IP6K2: variants seen among roughly 807,000 people sequenced by gnomAD.
The protein encoded by IP6K2 is ATP:1D-myo-inositol-hexakisphosphate phosphotransferase.
A neutral mutation model predicts 43.3 loss-of-function variants in IP6K2; 9 were observed. The observed-to-expected ratio is 0.21, with a 90% confidence interval of 0.13 to 0.36. The LOEUF (loss-of-function observed/expected upper bound fraction) is 0.36, where lower values mean the gene tolerates loss of function less well. Ranked by LOEUF, IP6K2 falls within the 10% of genes least tolerant of loss-of-function variation. The probability of loss-of-function intolerance (pLI) is 1.00; values close to 1 mark genes in which losing one functional copy is unlikely to be tolerated. For missense variants in IP6K2, 332 were observed against 538.4 expected, an observed-to-expected ratio of 0.62 and a Z score of 3.79; for synonymous variants, 209 against 202.4, an observed-to-expected ratio of 1.03 and a Z score of -0.28.
intron 1 of IP6K2, among the ~76,000 whole-genome samples, chr3:48,696,836 T>C (rs1029969853): frequency 1.1e-4 from 16 of 152,156 alleles, no homozygotes; most frequent in African/African-American, 3.1e-4. Flanking sequence ...GAATTTCTTA[T>C]GTCATTTGGT....
chr3:48,715,482 C>G, intron 1 of IP6K2: 1 of 1,534,782 alleles, frequency 6.5e-7, no homozygotes, highest in Non-Finnish European at 8.7e-7. Context: ...ACTGCTCAGA[C>G]AGATACAGGG....
At chr3:48,691,938 C>T (rs933660021) in intron 3 of IP6K2, among the ~76,000 whole-genome samples, 1 of 152,086 alleles carries the variant, frequency 6.6e-6, no homozygotes, top group African/African-American at 2.4e-5. Flanking sequence ...CTACGCCTCC[C>T]GGTTCTAGAG....
At chr3:48,694,110 GC>G in intron 2 of IP6K2, 1 of 1,497,042 alleles carries the variant, frequency 6.7e-7, no homozygotes, top group Non-Finnish European at 8.9e-7. Flanking sequence ...TTCTGAGGTG[GC>G]CCCCAGCTCT....
chr3:48,704,357 G>A (rs1281987402), intron 1 of IP6K2, among the ~76,000 whole-genome samples: 1 of 152,082 alleles, frequency 6.6e-6, no homozygotes, highest in Non-Finnish European at 1.5e-5. Flanking sequence ...CCAGCAATAG[G>A]AGATGAATGA....
chr3:48,690,025 A>C (rs2077629606), intron 4 of IP6K2, among the ~76,000 whole-genome samples: 1 of 152,232 alleles, frequency 6.6e-6, no homozygotes, highest in Non-Finnish European at 1.5e-5. Context: ...GGGTCCAAAA[A>C]CAAAGTCCTC....
At chr3:48,698,828 A>C (rs72929179) in intron 1 of IP6K2, among the ~76,000 whole-genome samples, 4,085 of 152,118 alleles carry the variant, frequency 0.027, 165 homozygotes, top group African/African-American at 0.093. Context: ...AGTCCCAGCT[A>C]TTCAGGAGGC....
chr3:48,700,065 G>GT (rs1442504531), intron 1 of IP6K2, among the ~76,000 whole-genome samples: 1 of 152,116 alleles, frequency 6.6e-6, no homozygotes, highest in African/African-American at 2.4e-5. Context: ...ATTGCACATA[G>GT]TAAGTCTTGC....
chr3:48,694,045 A>C (rs547027464), intron 2 of IP6K2: 223 of 1,432,902 alleles, frequency 1.6e-4, no homozygotes, highest in Non-Finnish European at 1.9e-4. Flanking sequence ...GCATCACTCA[A>C]TCTGCTCAGT....
intron 2 of IP6K2, chr3:48,694,830 C>T (rs1477409135): frequency 6.5e-7 from 1 of 1,536,530 alleles, no homozygotes; most frequent in African/African-American, 1.4e-5. Flanking sequence ...GACACCTGAA[C>T]ATAAAACACA....
chr3:48,697,406 A>G (rs1575638466), intron 1 of IP6K2, among the ~76,000 whole-genome samples: 1 of 144,174 alleles, frequency 6.9e-6, no homozygotes, highest in Non-Finnish European at 1.5e-5. Flanking sequence ...GTTCACTGCA[A>G]CCTCTGCCTC....
At chr3:48,698,312 T>C (rs1408233135) in intron 1 of IP6K2, among the ~76,000 whole-genome samples, 2 of 152,142 alleles carry the variant, frequency 1.3e-5, no homozygotes. Context: ...TAATTATGAA[T>C]TGTTAAAGCA....
chr3:48,705,454 G>A lies in IP6K2; in HGVS notation c.-130-10033C>T, dbSNP rs907784339. 7.4e-4 allele frequency among the ~76,000 whole-genome samples: 112 copies of A among 151,918 alleles called. 1 individual carries two copies. Among genetic ancestry groups the A allele is most frequent in the Non-Finnish European group, 2.2e-4 (15 of 67,920 alleles). ...AGCACTTTGGGAGGCCGAGGCGGGC[G>A]GATCACGAGGTCAAGAGATCGAGAC... On this transcript the variant is annotated intron_variant, in intron 1 of 5. Transcript: ENST00000328631.
chr3:48,705,360 CTT>C (rs1559548522), intron 1 of IP6K2, among the ~76,000 whole-genome samples: 1 of 151,666 alleles, frequency 6.6e-6, no homozygotes, highest in Middle Eastern at 3.2e-3. Context: ...CCAGGCCTCA[CTT>C]TTGATAAACT....
chr3:48,712,418 AT>A (rs989819981), intron 1 of IP6K2, among the ~76,000 whole-genome samples: 6 of 149,108 alleles, frequency 4.0e-5, no homozygotes, highest in Admixed American at 6.7e-5. Flanking sequence ...AATTTTTTGT[AT>A]TTTTTTTTAG....
intron 2 of IP6K2, chr3:48,694,014 C>G: frequency 7.2e-7 from 1 of 1,389,694 alleles, no homozygotes; most frequent in Non-Finnish European, 9.4e-7. Flanking sequence ...AACACCTTTC[C>G]TCCCAGGCCT....
intron 1 of IP6K2, among the ~76,000 whole-genome samples, chr3:48,697,342 T>G (rs2078487731): frequency 7.0e-6 from 1 of 143,300 alleles, no homozygotes; most frequent in South Asian, 2.2e-4. Context: ...TTTTGTTTTG[T>G]TTTTTTTTTT....
chr3:48,697,307 C>T (rs2078479132), intron 1 of IP6K2, among the ~76,000 whole-genome samples: 1 of 151,664 alleles, frequency 6.6e-6, no homozygotes, highest in South Asian at 2.1e-4. Context: ...GCGTGAGCCA[C>T]CGCGCCCGGC....
chr3:48,715,445 G>A (rs2081085547), intron 1 of IP6K2: 1 of 1,536,064 alleles, frequency 6.5e-7, no homozygotes, highest in East Asian at 2.4e-5. Context: ...TCAGTCAGTG[G>A]TTGCTCCTTC....
At chr3:48,715,222 A>G in intron 1 of IP6K2, 1 of 1,345,382 alleles carries the variant, frequency 7.4e-7, no homozygotes, top group Non-Finnish European at 1.0e-6. Context: ...TTTGTTACCC[A>G]AGATTATCCC....
Sources: allele counts gnomAD v4.1 joint callset (sites outside exome capture counted in the v4.1 genomes callset), GRCh38; gene constraint gnomAD v4.1.1; transcripts MANE v1.5; gene names NCBI Gene and HGNC (gene_info 2026-07-23, HGNC 2026-07-21).